ERO1A: variants seen among roughly 807,000 people sequenced by gnomAD.
ERO1A encodes endoplasmic reticulum oxidoreductase 1 alpha, also known as ERO1-like protein alpha.
In ERO1A, 49 loss-of-function variants were observed where a neutral mutation model predicts 76.9. That is an observed-to-expected ratio of 0.64 (90% CI 0.51 to 0.81). ERO1A has a LOEUF of 0.81. Among genes scored for constraint, ERO1A ranks in the 30% least tolerant of loss-of-function variants. ERO1A has a pLI of 0.00. For synonymous variants in ERO1A, 174 were observed against 181.2 expected (o/e 0.96, Z 0.32); for missense variants, 448 against 542.1 (o/e 0.83, Z 1.72).
intron 1 of ERO1A, among the ~76,000 whole-genome samples, chr14:52,694,113 C>A (rs950664049): frequency 6.6e-6 from 1 of 152,018 alleles, no homozygotes; most frequent in Non-Finnish European, 1.5e-5. Context: ...CATTGGACAT[C>A]TTCTTTCCGT....
chr14:52,686,239 G>T (rs893511507), intron 1 of ERO1A, among the ~76,000 whole-genome samples: 2 of 152,166 alleles, frequency 1.3e-5, no homozygotes, highest in Non-Finnish European at 2.9e-5. Context: ...ACTATTTGTG[G>T]AAGAGGTGGG....
chr14:52,680,082 CAAAAA>C (rs35358193), intron 3 of ERO1A, among the ~76,000 whole-genome samples: 9 of 90,908 alleles, frequency 9.9e-5, no homozygotes, highest in African/African-American at 1.6e-4. Flanking sequence ...AAAACACAAA[CAAAAA>C]AAAAAAAAAA....
intron 6 of ERO1A, among the ~76,000 whole-genome samples, chr14:52,669,524 C>T (rs1241217471): frequency 6.6e-6 from 1 of 152,246 alleles, no homozygotes; most frequent in East Asian, 1.9e-4. Flanking sequence ...TCCAACATGC[C>T]TGGGACCATG....
At chr14:52,695,324 C>T in intron 1 of ERO1A, 44 bp downstream of exon 1, 3 of 1,308,622 alleles carry the variant, frequency 2.3e-6, no homozygotes, top group Non-Finnish European at 2.0e-6. Flanking sequence ...GTGCACGCCG[C>T]GGAGGGCGCC....
intron 6 of ERO1A, among the ~76,000 whole-genome samples, chr14:52,670,090 T>C (rs767123761): frequency 2.6e-5 from 4 of 152,110 alleles, no homozygotes; most frequent in Non-Finnish European, 4.4e-5. Context: ...AATTTTTGTA[T>C]TGTTTGTAGA....
At chr14:52,680,156 G>A (rs73294913) in intron 3 of ERO1A, among the ~76,000 whole-genome samples, 22,483 of 149,722 alleles carry the variant, frequency 0.15, 1,892 homozygotes, top group African/African-American at 0.23. Flanking sequence ...CAGCTCTGCA[G>A]AAGCTTAAAA....
intron 13 of ERO1A, 118 bp downstream of exon 13, chr14:52,652,121 T>C (rs1055991134): frequency 1.9e-6 from 1 of 530,122 alleles, no homozygotes; most frequent in Non-Finnish European, 3.3e-6. Context: ...CCTGAGCCAC[T>C]GCCCCTGGCC....
chr14:52,682,033 T>C (rs941962599), intron 3 of ERO1A, among the ~76,000 whole-genome samples: 3 of 152,240 alleles, frequency 2.0e-5, no homozygotes, highest in East Asian at 3.8e-4. Flanking sequence ...TTTTAACATA[T>C]AAATATTGAA....
chr14:52,692,376 C>T (rs779254295), intron 1 of ERO1A, among the ~76,000 whole-genome samples: 27 of 152,112 alleles, frequency 1.8e-4, no homozygotes, highest in Non-Finnish European at 7.3e-5. Flanking sequence ...TGAACTGAAC[C>T]CTACTATAAG....
At chr14:52,645,494 G>T (rs867464407) in intron 15 of ERO1A, among the ~76,000 whole-genome samples, 2 of 151,472 alleles carry the variant, frequency 1.3e-5, no homozygotes, top group Middle Eastern at 6.8e-3. Context: ...AGTAGAGTTG[G>T]CCAGGCTGGT....
intron 1 of ERO1A, among the ~76,000 whole-genome samples, chr14:52,688,762 C>G (rs1000262350): frequency 5.9e-5 from 9 of 152,110 alleles, no homozygotes; most frequent in Admixed American, 3.9e-4. Context: ...TTGATTTGAC[C>G]AAATGCAAAA....
chr14:52,662,203 T>A (rs1005776129), intron 8 of ERO1A, among the ~76,000 whole-genome samples: 6 of 152,170 alleles, frequency 3.9e-5, no homozygotes, highest in Non-Finnish European at 7.4e-5. Context: ...TGTATCTTTA[T>A]GGTAAGTGAC....
chr14:52,672,720 T>C (rs2040644504), intron 4 of ERO1A, among the ~76,000 whole-genome samples: 1 of 143,584 alleles, frequency 7.0e-6, no homozygotes, highest in Non-Finnish European at 1.5e-5. Context: ...CAGTGAACTA[T>C]ATAATCTTAC....
chr14:52,666,201 C>T (rs1029333477), intron 7 of ERO1A, among the ~76,000 whole-genome samples, 174 bp downstream of exon 7: 11 of 152,162 alleles, frequency 7.2e-5, no homozygotes, highest in Admixed American at 4.6e-4. Flanking sequence ...TGGAAACTCA[C>T]GTCTATATAT....
Position 52,652,939 on chromosome 14 carries a change from G to A in ERO1A, c.1055+130C>T. On this transcript the variant is annotated intron_variant, in intron 12 of 15. Coordinates refer to ENST00000395686, the MANE Select transcript of ERO1A (RefSeq NM_014584.3). The stretch of plus-strand genomic sequence containing the variant: ...GAGCCCAGGAAATCAAGGCTGCAGT[G>A]AGCCATGACCGTGCCACTGCACTCC... The A allele has an allele frequency of 4.9e-6, 3 of 616,748 alleles. No homozygotes were observed. In the East Asian group the frequency reaches 8.8e-5, roughly 18 times the overall value. The allele number at this position is 616,748 out of a possible 1,614,324, so 38.2% of individuals were successfully genotyped here. A position where few individuals can be genotyped will look rare whatever the true frequency, so the allele number is the denominator to read the frequency against.
intron 13 of ERO1A, among the ~76,000 whole-genome samples, chr14:52,650,810 T>C (rs982278045): frequency 2.0e-4 from 31 of 152,200 alleles, no homozygotes; most frequent in Non-Finnish European, 3.8e-4. Flanking sequence ...TAATGTTTGA[T>C]ATTTATAGTA....
chr14:52,673,931 T>C (rs1356604219), intron 4 of ERO1A, among the ~76,000 whole-genome samples: 1 of 152,196 alleles, frequency 6.6e-6, no homozygotes, highest in Non-Finnish European at 1.5e-5. Context: ...ACTGGTAAAA[T>C]ATCACAGCTT....
intron 3 of ERO1A, 89 bp downstream of exon 3, chr14:52,682,236 C>T: frequency 9.5e-7 from 1 of 1,057,796 alleles, no homozygotes; most frequent in Admixed American, 2.3e-5. Context: ...TCTATTTTTT[C>T]AAAAAAAAAT....
intron 11 of ERO1A, among the ~76,000 whole-genome samples, chr14:52,653,822 A>T (rs1412110374): frequency 6.6e-6 from 1 of 152,004 alleles, no homozygotes; most frequent in African/African-American, 2.4e-5. Flanking sequence ...TTAAACATTT[A>T]AAAAAATTTG....
Sources: gnomAD v4.1 joint callset for allele counts (sites outside exome capture counted in the v4.1 genomes callset) on GRCh38, gnomAD v4.1.1 for gene constraint, MANE v1.5 for transcripts, NCBI Gene and HGNC (gene_info 2026-07-23, HGNC 2026-07-21) for gene names.